TECRL: variants seen among roughly 807,000 people sequenced by gnomAD.
TECRL encodes trans-2,3-enoyl-CoA reductase-like.
Under a neutral mutation model 52.8 loss-of-function variants are expected in TECRL, and 63 were observed. That is an observed-to-expected ratio of 1.19 (90% CI 0.97 to 1.47). The LOEUF is 1.47. Ranked by LOEUF, TECRL falls within the 40% of genes most tolerant of loss-of-function variation. The pLI, the probability that TECRL is intolerant of heterozygous loss-of-function variation, is 0.00. For missense variants in TECRL, 482 were observed against 429.6 expected, an observed-to-expected ratio of 1.12 and a Z score of -1.08; for synonymous variants, 164 against 141.9, an observed-to-expected ratio of 1.16 and a Z score of -1.10.
intron 9 of TECRL, among the ~76,000 whole-genome samples, chr4:64,285,727 G>C (rs928821467): frequency 6.6e-6 from 1 of 152,124 alleles, no homozygotes; most frequent in Non-Finnish European, 1.5e-5. Flanking sequence ...TGAATAGGGA[G>C]AAATTGAATA....
intron 2 of TECRL, among the ~76,000 whole-genome samples, chr4:64,374,068 T>TATATATGTATATAGTAGATAC (rs1722192324): frequency 1.0e-5 from 1 of 96,444 alleles, no homozygotes; most frequent in South Asian, 3.6e-4. Flanking sequence ...TATATATATA[T>TATATATGTATATAGTAGATAC]ATATATATAT....
intron 3 of TECRL, among the ~76,000 whole-genome samples, chr4:64,326,874 G>A (rs1718301245): frequency 6.6e-6 from 1 of 152,062 alleles, no homozygotes; most frequent in African/African-American, 2.4e-5. Flanking sequence ...TAAGATCAAT[G>A]ATTCTAGTAC....
intron 3 of TECRL, among the ~76,000 whole-genome samples, chr4:64,324,582 G>A (rs908229889): frequency 4.6e-5 from 7 of 151,712 alleles, no homozygotes; most frequent in Non-Finnish European, 8.8e-5. Flanking sequence ...CTTTTAAAAG[G>A]AAACAAAAAA....
intron 2 of TECRL, among the ~76,000 whole-genome samples, chr4:64,345,929 A>AAAAAAAAAAC (rs1560516756): frequency 6.8e-6 from 1 of 147,348 alleles, no homozygotes; most frequent in African/African-American, 2.5e-5. Context: ...AAAAAAAAAA[A>AAAAAAAAAAC]AACATTTATC....
chr4:64,346,542 T>A (rs1361098826), intron 2 of TECRL, among the ~76,000 whole-genome samples: 1 of 152,392 alleles, frequency 6.6e-6, no homozygotes, highest in South Asian at 2.1e-4. Context: ...TTGCGCCCTC[T>A]GAAGCCTAAG....
At chr4:64,389,368 TA>T (rs2109740985) in intron 1 of TECRL, among the ~76,000 whole-genome samples, 1 of 152,046 alleles carries the variant, frequency 6.6e-6, no homozygotes, top group Non-Finnish European at 1.5e-5. Context: ...TATCTGCTGA[TA>T]AAATTGTGTG....
intron 2 of TECRL, among the ~76,000 whole-genome samples, chr4:64,367,578 G>A (rs1376627387): frequency 5.9e-5 from 9 of 151,836 alleles, no homozygotes; most frequent in East Asian, 1.9e-4. Flanking sequence ...TAAATATACA[G>A]CGAAATAAAT....
At chr4:64,315,508 A>C (rs1717437792) in intron 4 of TECRL, among the ~76,000 whole-genome samples, 1 of 152,138 alleles carries the variant, frequency 6.6e-6, no homozygotes, top group South Asian at 2.1e-4. Context: ...TAGACAGATA[A>C]GGGAAAGTAA....
intron 2 of TECRL, among the ~76,000 whole-genome samples, chr4:64,337,236 C>A (rs932594226): frequency 6.6e-6 from 1 of 152,100 alleles, no homozygotes. Context: ...GCCCTTCATG[C>A]TAAAAACTCT....
chr4:64,404,562 C>T (rs969182546), intron 1 of TECRL, among the ~76,000 whole-genome samples: 33 of 151,924 alleles, frequency 2.2e-4, no homozygotes, highest in Non-Finnish European at 1.0e-4. Context: ...TTTTGTTATC[C>T]ATGATTAGTT....
At chr4:64,342,602 T>C (rs574249933) in intron 2 of TECRL, among the ~76,000 whole-genome samples, 1 of 152,252 alleles carries the variant, frequency 6.6e-6, no homozygotes, top group East Asian at 1.9e-4. Flanking sequence ...TCTGAAATTA[T>C]ACTCTGTTGT....
chr4:64,404,582 A>G (rs977430894), intron 1 of TECRL, among the ~76,000 whole-genome samples: 1 of 152,104 alleles, frequency 6.6e-6, no homozygotes, highest in South Asian at 2.1e-4. Context: ...TATTTTAATC[A>G]TTCATGGGAA....
intron 2 of TECRL, among the ~76,000 whole-genome samples, chr4:64,374,146 C>A (rs1722207435): frequency 6.9e-6 from 1 of 145,600 alleles, no homozygotes; most frequent in South Asian, 2.1e-4. Flanking sequence ...TTCAACATAA[C>A]CAATTCCTAT....
chr4:64,344,677 G>A (rs1719825393), intron 2 of TECRL, among the ~76,000 whole-genome samples: 1 of 152,150 alleles, frequency 6.6e-6, no homozygotes, highest in African/African-American at 2.4e-5. Context: ...ATGGCTTTAA[G>A]GCTTTGAATG....
chr4:64,293,982 A>AAT (rs893692145), intron 8 of TECRL, among the ~76,000 whole-genome samples: 1,667 of 139,134 alleles, frequency 0.012, 23 homozygotes, highest in African/African-American at 0.039. Context: ...ATATATATAA[A>AAT]ATATATATAT....
intron 1 of TECRL, among the ~76,000 whole-genome samples, chr4:64,379,851 T>A (rs57908988): frequency 0.23 from 35,038 of 151,984 alleles, 4,182 homozygotes; most frequent in Middle Eastern, 0.3. Context: ...GTGAATAGTG[T>A]TGCAATAATC....
At chr4:64,383,819 A>G (rs1052336187) in intron 1 of TECRL, among the ~76,000 whole-genome samples, 3 of 151,998 alleles carry the variant, frequency 2.0e-5, no homozygotes, top group Non-Finnish European at 2.9e-5. Context: ...TCTTGCCTCA[A>G]TATGCTGATA....
intron 2 of TECRL, among the ~76,000 whole-genome samples, chr4:64,341,725 ACTCCCTCT>A (rs1719584553): frequency 6.6e-6 from 1 of 151,990 alleles, no homozygotes; most frequent in Non-Finnish European, 1.5e-5. Context: ...CAGGCCTGTG[ACTCCCTCT>A]TTGGGCCCCT....
In TECRL at chr4:64,305,184, G is replaced by A; in HGVS notation, c.712C>T (p.Pro238Ser). 1 of 1,612,460 alleles carries A rather than the reference G, an allele frequency of 6.2e-7. No individual in the cohort carries two copies. Among genetic ancestry groups the A allele is most frequent in the South Asian group, 1.1e-5 (1 of 90,978 alleles). The change falls in exon 7 of 12, where the codon CCA (proline) becomes TCA (serine). Residue 238 changes from proline to serine, a missense_variant. By Grantham distance (74) the Pro-to-Ser change is moderately conservative. Coordinates refer to ENST00000381210, the MANE Select transcript of TECRL (RefSeq NM_001010874.5). ...TSWIAYYINH[P>S]LYTPPSFGNR... ...TACATACATGGTGGTGTATATAGTG[G>A]ATGATTAATGTAGTAGGCAATCCAA...
Sources: gnomAD v4.1 joint callset for allele counts (sites outside exome capture counted in the v4.1 genomes callset) on GRCh38, gnomAD v4.1.1 for gene constraint, MANE v1.5 for transcripts, NCBI Gene and HGNC (gene_info 2026-07-23, HGNC 2026-07-21) for gene names.